Variants in SZT2 observed in about 807,000 individuals in gnomAD.
SZT2 encodes SZT2 subunit of KICSTOR complex.
A neutral mutation model predicts 404.2 loss-of-function variants in SZT2; 216 were observed. That is an observed-to-expected ratio of 0.53 (90% CI 0.48 to 0.60). The LOEUF (loss-of-function observed/expected upper bound fraction) is 0.60, where lower values mean the gene tolerates loss of function less well. Among genes scored for constraint, SZT2 ranks in the 20% least tolerant of loss-of-function variants. SZT2 has a pLI of 0.00. For synonymous variants in SZT2, 1,693 were observed against 1,749.9 expected (o/e 0.97, Z 0.81); for missense variants, 3,857 against 4,459.2 (o/e 0.86, Z 3.85).
At position 43,439,006 on chromosome 1, in the gene SZT2, A is replaced by C. The variant is rs1200940730; in HGVS notation, c.6705A>C (p.Pro2235=). The change falls in exon 48 of 72, where the codon CCA becomes CCC. Residue 2235 remains proline (P), a synonymous_variant. Transcript: ENST00000634258. The surrounding 1 kb of genome is among the most constrained non-coding windows in gnomAD (Gnocchi z 4.2). ...CCACCTCCTGCAGGCCCTGGCTTCCAGCCCTGGCATGGTACCTACGGCAGA... is the reference window on the plus strand; with the variant it reads ...CCACCTCCTGCAGGCCCTGGCTTCCCGCCCTGGCATGGTACCTACGGCAGA... ...ALPTSCRPWL[P]ALAWYLRQNL... 1.9e-6 allele frequency: 3 copies of C among 1,614,178 alleles called. No homozygotes were observed. The highest frequency in any genetic ancestry group is 1.7e-6 in the Non-Finnish European group (2 of 1,180,014).
At position 43,448,615 on chromosome 1, in the gene SZT2, T is replaced by C; in HGVS notation, c.9973T>C (p.Cys3325Arg). 1 of 1,614,194 alleles carries C rather than the reference T, an allele frequency of 6.2e-7. No individual in the cohort carries two copies. Among genetic ancestry groups the C allele is most frequent in the East Asian group, 2.2e-5 (1 of 44,884 alleles). Residue 3325 changes from cysteine to arginine, a missense_variant, in exon 70 of 72, where the codon TGC (cysteine) becomes CGC (arginine). Around this residue, in one of 7 missense-constraint regions of SZT2, gnomAD observed 717 missense variants for 868.2 expected, o/e 0.83. Coordinates refer to ENST00000634258, the MANE Select transcript of SZT2 (RefSeq NM_001365999.1). This position sits in a 1 kb window ranked among gnomAD's most constrained non-coding sequence, Gnocchi z 4.2. ...SIGDIDPQLD[C>R]FLSMTVSWYQ... ...AGGCCTGTGGCTCCTCCCTCAGGAC[T>C]GCTTCCTATCCATGACGGTCTCCTG...
rs367690658 is a variant in SZT2, at chr1:43,430,518, G to A, written c.4503G>A (p.Val1501=). 134 of 1,614,050 alleles carry A rather than the reference G, an allele frequency of 8.3e-5. No individual in the cohort carries two copies. The highest frequency in any genetic ancestry group is 1.1e-4 in the Non-Finnish European group (127 of 1,180,008). The change falls in exon 32 of 72, where the codon GTG becomes GTA. Residue 1501 remains valine (V), a synonymous_variant. Transcript: ENST00000634258. ...GEEGDTSACC[V]VTESDPELEV... ...TAGGAGACACATCTGCCTGCTGTGT[G>A]GTCACTGAGAGTGACCCAGAGCTAG...
At chr1:43,438,027 C>A in intron 46 of SZT2, 125 bp downstream of exon 46, 2 of 912,366 alleles carry the variant, frequency 2.2e-6, no homozygotes, top group Middle Eastern at 3.3e-4. Flanking sequence ...AGACCTGACA[C>A]ATGTTAAGTG....
At position 43,425,064 on chromosome 1, in the gene SZT2, A is replaced by C; in HGVS notation, c.2551-49A>C. On this transcript the variant is annotated intron_variant, in intron 17 of 71. Transcript: ENST00000634258. This position sits in a 1 kb window ranked among gnomAD's most constrained non-coding sequence, Gnocchi z 4.3. The stretch of plus-strand genomic sequence containing the variant: ...GAGGGCCAGAGCTAGGCCAGGCCAG[A>C]TCTCTGCCTTGGCTGGGATTTGCCC... The C allele has an allele frequency of 6.2e-7, 1 of 1,611,152 alleles. No homozygotes were observed. Among genetic ancestry groups the C allele is most frequent in the Non-Finnish European group, 8.5e-7 (1 of 1,177,318 alleles).
Position 43,426,890 on chromosome 1 carries a change from C to T in SZT2, c.3309+81C>T, listed in dbSNP as rs1016816779. ...ACATCTTCAGGCCCCAACCTTCTAC[C>T]GCCCTTGAGACTAAATGGCATCTGC... On this transcript the variant is annotated intron_variant, in intron 23 of 71. Coordinates refer to ENST00000634258, the MANE Select transcript of SZT2 (RefSeq NM_001365999.1). This position sits in a 1 kb window ranked among gnomAD's most constrained non-coding sequence, Gnocchi z 4.9. The T allele has an allele frequency of 1.4e-5, 22 of 1,555,582 alleles. No homozygotes were observed. The highest frequency in any genetic ancestry group is 1.2e-4 in the Admixed American group (7 of 57,974).
In SZT2 at chr1:43,441,147, A is replaced by G. The variant is rs1557590098; in HGVS notation, c.7345-67A>G. 6 of 1,564,966 alleles carry G rather than the reference A, an allele frequency of 3.8e-6. No individual in the cohort carries two copies. The highest frequency in any genetic ancestry group is 1.2e-5 in the South Asian group (1 of 83,846). On this transcript the variant is annotated intron_variant, in intron 52 of 71. Transcript: ENST00000634258. The surrounding 1 kb of genome is among the most constrained non-coding windows in gnomAD (Gnocchi z 4.8). ...AATCCTCCTAGCTCACTGCTGTTCC[A>G]TAGTGCCCCCATCCCACACCTTTCC...
At chr1:43,408,825 G>A (rs1405075069) in intron 4 of SZT2, among the ~76,000 whole-genome samples, 1 of 152,108 alleles carries the variant, frequency 6.6e-6, no homozygotes, top group Non-Finnish European at 1.5e-5. Context: ...TGTAGAGTGA[G>A]ACAATGTCCC....
chr1:43,431,963 C>A, intron 36 of SZT2, 62 bp downstream of exon 36: 3 of 1,582,626 alleles, frequency 1.9e-6, no homozygotes, highest in South Asian at 1.1e-5. Context: ...GGGCCCCAGG[C>A]ACAGGACTGG....
chr1:43,447,393 C>T, intron 66 of SZT2, 152 bp from the exon 67 acceptor site: 1 of 1,167,400 alleles, frequency 8.6e-7, no homozygotes, highest in East Asian at 2.5e-5. Context: ...TGTCCCATCT[C>T]AGTGTTCCAC....
intron 65 of SZT2, 77 bp downstream of exon 65, chr1:43,446,493 G>C: frequency 2.6e-6 from 4 of 1,567,010 alleles, no homozygotes; most frequent in Non-Finnish European, 3.5e-6. Flanking sequence ...CCCATTTGCT[G>C]GGCAGTAGAG....
At position 43,451,799 on chromosome 1, in the gene SZT2, A is replaced by T. The variant is rs1656463580; in HGVS notation, c.*1319A>T. The T allele has an allele frequency of 9.9e-6, 16 of 1,613,620 alleles. No homozygotes were observed. The highest frequency in any genetic ancestry group is 1.4e-5 in the Non-Finnish European group (16 of 1,179,918). On this transcript the variant is annotated 3_prime_UTR_variant, in exon 72 of 72. Transcript: ENST00000634258. ...TGCGAAGTACCCCCTTCCACTTACC[A>T]TTTGTAATTGGAGGTTGGGTCTTCC...
chr1:43,408,796 G>A (rs1351323373), intron 4 of SZT2, among the ~76,000 whole-genome samples: 2 of 152,022 alleles, frequency 1.3e-5, no homozygotes, highest in African/African-American at 4.8e-5. Context: ...AGTTCTGCTC[G>A]TTTTCCTTCC....
rs752769594 is a variant in SZT2, at chr1:43,427,449, A to C, written c.3598+4A>C. 1.2e-6 allele frequency: 2 copies of C among 1,612,004 alleles called. No homozygotes were observed. Among genetic ancestry groups the C allele is most frequent in the East Asian group, 2.2e-5 (1 of 44,832 alleles). ...CTCAGTGTGACCCTGGCTAGTGGTA[A>C]GGCTGCCGACTCAAGGTGGGCAGGA... On this transcript the variant is annotated splice_donor_region_variant and intron_variant, in intron 25 of 71. Coordinates refer to ENST00000634258, the MANE Select transcript of SZT2 (RefSeq NM_001365999.1).
In SZT2 at chr1:43,429,704, A is replaced by G. The variant is rs753476359; in HGVS notation, c.4168A>G (p.Ile1390Val). 6.8e-6 allele frequency: 11 copies of G among 1,614,098 alleles called. No homozygotes were observed. The African/African-American group carries it at 1.3e-4, about 20-fold the overall frequency. ...AACATCCTTACCCCAACCATTCAGC[A>G]TAGAGACCGAGGACCTAAGCGAGCC... ...ERAILASESS[I>V]ETEDLSEPEF... Residue 1390 changes from isoleucine to valine, a missense_variant and splice_region_variant, in exon 29 of 72, where the codon ATA (isoleucine) becomes GTA (valine). Ile to Val is a conservative substitution (Grantham distance 29, BLOSUM62 3). This residue lies in a region of SZT2 where 1,725 missense variants were observed against 1,881.0 expected (regional missense o/e 0.92). Transcript: ENST00000634258.
chr1:43,389,925 TG>T lies in SZT2; in HGVS notation c.-42del. ...AGGTAGCGAGGTCAGGGGTCAAGAG[TG>T]GAACACCCTCACTGGCCCGGGCCGG... On this transcript the variant is annotated 5_prime_UTR_variant, in exon 1 of 72. Coordinates refer to ENST00000634258, the MANE Select transcript of SZT2 (RefSeq NM_001365999.1). 3 of 1,510,746 alleles carry T rather than the reference TG, an allele frequency of 2.0e-6. No homozygotes were observed. The highest frequency in any genetic ancestry group is 2.7e-6 in the Non-Finnish European group (3 of 1,129,782). The allele number at this position is 1,510,746 out of a possible 1,614,324, so 93.6% of individuals were successfully genotyped here.
chr1:43,420,889 G>A lies in SZT2; in HGVS notation c.1402G>A (p.Asp468Asn), dbSNP rs554422010. ...GGAAGTGACGATGGAAGGCGGCTACGACATTTTGCATGATGTGTCCTGTGC... is the reference window on the plus strand; with the variant it reads ...GGAAGTGACGATGGAAGGCGGCTACAACATTTTGCATGATGTGTCCTGTGC... ...RVEVTMEGGY[D>N]ILHDVSCALR... The change falls in exon 10 of 72, where the codon GAC (aspartate) becomes AAC (asparagine). Residue 468 changes from aspartate to asparagine, a missense_variant. Around this residue, in one of 7 missense-constraint regions of SZT2, gnomAD observed 536 missense variants for 637.4 expected, o/e 0.84. Coordinates refer to ENST00000634258, the MANE Select transcript of SZT2 (RefSeq NM_001365999.1). The surrounding 1 kb of genome is among the most constrained non-coding windows in gnomAD (Gnocchi z 5.1). 6.9e-6 allele frequency: 11 copies of A among 1,598,432 alleles called. No homozygotes were observed. Among genetic ancestry groups the A allele is most frequent in the African/African-American group, 1.3e-5 (1 of 75,032 alleles).
Position 43,443,768 on chromosome 1 carries a change from C to G in SZT2, c.8797C>G (p.Pro2933Ala), listed in dbSNP as rs758835465. Residue 2933 changes from proline to alanine, a missense_variant, in exon 62 of 72, where the codon CCA (proline) becomes GCA (alanine). Around this residue, in one of 7 missense-constraint regions of SZT2, gnomAD observed 717 missense variants for 868.2 expected, o/e 0.83. Coordinates refer to ENST00000634258, the MANE Select transcript of SZT2 (RefSeq NM_001365999.1). The stretch of plus-strand genomic sequence containing the variant: ...GCAGAGCATAGGTTTTGTGCTGGTA[C>G]CACTGCGGCCCCCCTCACCCGCCCG... ...YLQSIGFVLV[P>A]LRPPSPARST... is the part of the protein sequence containing the mutation. 10 of 1,613,748 alleles carry G rather than the reference C, an allele frequency of 6.2e-6. No homozygotes were observed. In the East Asian group the frequency reaches 2.0e-4, roughly 32 times the overall value.
chr1:43,441,913 G>T lies in SZT2; in HGVS notation c.7743-87G>T. On this transcript the variant is annotated intron_variant, in intron 55 of 71. Transcript: ENST00000634258. The surrounding 1 kb of genome is among the most constrained non-coding windows in gnomAD (Gnocchi z 4.8). Reference sequence around the variant, plus strand: ...CAAACCTGAGGAAGCTGAGCTAGGAGAGGTGGAAACAAGGCCCAGGGAGGT... The same window carrying T: ...CAAACCTGAGGAAGCTGAGCTAGGATAGGTGGAAACAAGGCCCAGGGAGGT... 1 of 1,594,560 alleles carries T rather than the reference G, an allele frequency of 6.3e-7. No individual in the cohort carries two copies. The highest frequency in any genetic ancestry group is 8.6e-7 in the Non-Finnish European group (1 of 1,167,408).
In SZT2 at chr1:43,451,458, C is replaced by T. The variant is rs759435585; in HGVS notation, c.*978C>T. On this transcript the variant is annotated 3_prime_UTR_variant, in exon 72 of 72. Coordinates refer to ENST00000634258, the MANE Select transcript of SZT2 (RefSeq NM_001365999.1). ...ACGAAGCCTTTGTAGCCTTCATCTTCCAGCAGTTGAAACAGATAGGGGAAA... is the reference window on the plus strand; with the variant it reads ...ACGAAGCCTTTGTAGCCTTCATCTTTCAGCAGTTGAAACAGATAGGGGAAA... 19 of 1,613,958 alleles carry T rather than the reference C, an allele frequency of 1.2e-5. No homozygotes were observed. The highest frequency in any genetic ancestry group is 1.5e-5 in the Non-Finnish European group (18 of 1,180,048).
Sources: allele counts gnomAD v4.1 joint callset (sites outside exome capture counted in the v4.1 genomes callset), GRCh38; gene constraint gnomAD v4.1.1; regional missense constraint gnomAD v4.1.1; non-coding constraint Gnocchi (gnomAD v3.1); transcripts MANE v1.5; gene names NCBI Gene and HGNC (gene_info 2026-07-23, HGNC 2026-07-21).